The following SORCS2 variants were observed in gnomAD, a reference collection of about 807,000 sequenced individuals.
SORCS2 encodes VPS10 domain-containing receptor SorCS2.
SORCS2 carries 100 observed loss-of-function variants against 141.6 expected under a neutral mutation model. The ratio of observed to expected loss-of-function variants is 0.71; its 90% CI spans 0.60 to 0.83. The LOEUF is 0.83. SORCS2 is among the 40% of genes least tolerant of loss of function. The pLI, the probability that SORCS2 is intolerant of heterozygous loss-of-function variation, is 0.00. For synonymous variants in SORCS2, 789 were observed against 676.9 expected, an observed-to-expected ratio of 1.17 and a Z score of -2.57; for missense variants, 1,646 against 1,560.2, an observed-to-expected ratio of 1.05 and a Z score of -0.93.
intron 2 of SORCS2, among the ~76,000 whole-genome samples, chr4:7,436,414 C>A (rs1203389439): frequency 6.6e-6 from 1 of 152,262 alleles, no homozygotes; most frequent in Non-Finnish European, 1.5e-5. Context: ...ACAGAAGGGC[C>A]TGCCCCTTGG....
intron 3 of SORCS2, among the ~76,000 whole-genome samples, chr4:7,571,706 G>T (rs1464677986): frequency 1.3e-5 from 2 of 152,124 alleles, no homozygotes; most frequent in Admixed American, 6.5e-5. Context: ...TGCTAGCAGA[G>T]CATGTCACCA....
intron 1 of SORCS2, among the ~76,000 whole-genome samples, chr4:7,390,671 C>G (rs1001509926): frequency 6.6e-6 from 1 of 152,148 alleles, no homozygotes; most frequent in South Asian, 2.1e-4. Context: ...GAGGAGGCAC[C>G]GTGAACTTCC....
intron 3 of SORCS2, among the ~76,000 whole-genome samples, chr4:7,614,711 CCACCCACCCAT>C (rs1445648190): frequency 6.6e-6 from 1 of 151,650 alleles, no homozygotes; most frequent in African/African-American, 2.4e-5. Flanking sequence ...CACCCATCCA[CCACCCACCCAT>C]CAATCCATCT....
At chr4:7,705,822 G>A (rs571890702) in intron 14 of SORCS2, among the ~76,000 whole-genome samples, 5 of 152,348 alleles carry the variant, frequency 3.3e-5, no homozygotes, top group African/African-American at 4.8e-5. Flanking sequence ...TGGATAAGCC[G>A]CCCAAGAGTG....
At chr4:7,482,969 A>G (rs1730744755) in intron 2 of SORCS2, among the ~76,000 whole-genome samples, 1 of 152,224 alleles carries the variant, frequency 6.6e-6, no homozygotes. Flanking sequence ...GGATGGAATT[A>G]AGGGCAGGTC....
chr4:7,585,625 T>C (rs1716487189), intron 3 of SORCS2, among the ~76,000 whole-genome samples: 2 of 152,254 alleles, frequency 1.3e-5, no homozygotes, highest in South Asian at 4.1e-4. Flanking sequence ...TTTCATCTTC[T>C]ATCTTTTGTG....
intron 2 of SORCS2, among the ~76,000 whole-genome samples, chr4:7,419,781 G>A (rs1725920112): frequency 6.6e-6 from 1 of 151,940 alleles, no homozygotes; most frequent in East Asian, 1.9e-4. Context: ...CAGTGTAGAT[G>A]GAAGCCAGAT....
chr4:7,597,007 A>G (rs1008754947), intron 3 of SORCS2, among the ~76,000 whole-genome samples: 3 of 152,068 alleles, frequency 2.0e-5, no homozygotes, highest in Non-Finnish European at 2.9e-5. Flanking sequence ...CGGTTGTGCA[A>G]TCGTGAAAGT....
chr4:7,537,530 C>T (rs993829192), intron 3 of SORCS2, among the ~76,000 whole-genome samples: 1 of 151,962 alleles, frequency 6.6e-6, no homozygotes, highest in African/African-American at 2.4e-5. Flanking sequence ...GAGAGAGAGC[C>T]CTTTGCTTTG....
At position 7,286,816 on chromosome 4, in the gene SORCS2, A is replaced by G. The variant is rs1011670685; in HGVS notation, c.480+93690A>G. Among the ~76,000 whole-genome samples the G allele has an allele frequency of 6.6e-6, 1 of 152,186 alleles. No individual in the cohort carries two copies. Among genetic ancestry groups the G allele is most frequent in the African/African-American group, 2.4e-5 (1 of 41,452 alleles). ...GGCGTCTTGGGTCCCAGACCGTGGA[A>G]CCTGGGTGCTGCTTTTCAGGGTACA... On this transcript the variant is annotated intron_variant, in intron 1 of 26. Coordinates refer to ENST00000507866, the MANE Select transcript of SORCS2 (RefSeq NM_020777.3). This position sits in a 1 kb window ranked among gnomAD's most constrained non-coding sequence, Gnocchi z 4.1.
chr4:7,553,315 A>G (rs543396600), intron 3 of SORCS2, among the ~76,000 whole-genome samples: 50 of 149,594 alleles, frequency 3.3e-4, no homozygotes, highest in African/African-American at 8.4e-4. Context: ...GAGAGGGGGG[A>G]AAAAAAACCA....
At chr4:7,264,636 TCTC>T (rs1577336163) in intron 1 of SORCS2, among the ~76,000 whole-genome samples, 2 of 152,280 alleles carry the variant, frequency 1.3e-5, no homozygotes, top group East Asian at 3.9e-4. Flanking sequence ...GTGCTGTTCT[TCTC>T]CTGTGATTGA....
intron 2 of SORCS2, 139 bp from the exon 3 acceptor site, chr4:7,531,391 C>A (rs1035719856): frequency 4.2e-5 from 29 of 688,586 alleles, no homozygotes; most frequent in Middle Eastern, 3.5e-4. Flanking sequence ...TGCCCCCAGG[C>A]AGAGTGCCCA....
chr4:7,728,417 G>A lies in SORCS2; in HGVS notation c.2937G>A (p.Glu979=), dbSNP rs1727369652. Residue 979 remains glutamate (E), a synonymous_variant, in exon 22 of 27, where the codon GAG becomes GAA. Transcript: ENST00000507866. ...ATGCCTACAACCCCAACACCCCTGA[G>A]TGGAGGGAAGACGTGGGCCTGGTGG... ...ELDAYNPNTP[E]WREDVGLVVT... 1.2e-6 allele frequency: 2 copies of A among 1,613,666 alleles called. No homozygotes were observed. The highest frequency in any genetic ancestry group is 1.7e-6 in the Non-Finnish European group (2 of 1,179,856).
At position 7,528,294 on chromosome 4, in the gene SORCS2, A is replaced by G. The variant is rs558364087; in HGVS notation, c.549-3236A>G. On this transcript the variant is annotated intron_variant, in intron 2 of 26. Transcript: ENST00000507866. ...AATGAATGGGTGAGTGGGTGAATCA[A>G]TGTTCCTAGTGTCTGCAGGAGTTGG... Among the ~76,000 whole-genome samples the G allele has an allele frequency of 3.2e-4, 48 of 152,210 alleles. No homozygotes were observed. In the South Asian group the frequency reaches 7.3e-3, roughly 23 times the overall value.
chr4:7,536,065 G>A (rs1342905595), intron 3 of SORCS2, among the ~76,000 whole-genome samples: 4 of 152,214 alleles, frequency 2.6e-5, no homozygotes, highest in Non-Finnish European at 5.9e-5. Context: ...GCAGAGGTGT[G>A]GACGGGCCAC....
At chr4:7,411,251 G>C (rs1006612920) in intron 2 of SORCS2, among the ~76,000 whole-genome samples, 8 of 151,998 alleles carry the variant, frequency 5.3e-5, no homozygotes, top group Admixed American at 5.2e-4. Flanking sequence ...ACTGCGCCTG[G>C]CCTCTTCTCT....
At chr4:7,271,799 G>A (rs1192443261) in intron 1 of SORCS2, among the ~76,000 whole-genome samples, 1 of 152,260 alleles carries the variant, frequency 6.6e-6, no homozygotes, top group African/African-American at 2.4e-5. Context: ...AGAGCTGCAA[G>A]TACGGCCTAT....
intron 2 of SORCS2, among the ~76,000 whole-genome samples, chr4:7,427,220 G>A (rs1726505573): frequency 6.6e-6 from 1 of 152,146 alleles, no homozygotes; most frequent in African/African-American, 2.4e-5. Context: ...CTCGGTAGAA[G>A]AGCAAAGTCT....
Sources: allele counts gnomAD v4.1 joint callset (sites outside exome capture counted in the v4.1 genomes callset), GRCh38; gene constraint gnomAD v4.1.1; non-coding constraint Gnocchi (gnomAD v3.1); transcripts MANE v1.5; gene names NCBI Gene and HGNC (gene_info 2026-07-23, HGNC 2026-07-21).